The following SGCZ variants were observed in gnomAD, a reference collection of about 807,000 sequenced individuals.
SGCZ encodes the protein sarcoglycan zeta.
SGCZ carries 40 observed loss-of-function variants against 41.3 expected under a neutral mutation model. The observed-to-expected ratio is 0.97, with a 90% CI of 0.75 to 1.26. SGCZ has a LOEUF of 1.26. Ranked by LOEUF, SGCZ falls within the 50% of genes most tolerant of loss-of-function variation. SGCZ has a pLI of 0.00. For missense variants in SGCZ, 552 were observed against 369.8 expected, an observed-to-expected ratio of 1.49 and a Z score of -4.04; for synonymous variants, 206 against 137.5, an observed-to-expected ratio of 1.50 and a Z score of -3.49.
chr8:14,758,384 G>C (rs1043351761), intron 1 of SGCZ, among the ~76,000 whole-genome samples: 1 of 151,964 alleles, frequency 6.6e-6, no homozygotes, highest in African/African-American at 2.4e-5. Context: ...TTTTAACCAA[G>C]TCAGCTTCTT....
At chr8:14,464,265 G>GA (rs1044435344) in intron 2 of SGCZ, among the ~76,000 whole-genome samples, 11 of 150,244 alleles carry the variant, frequency 7.3e-5, no homozygotes, top group African/African-American at 2.7e-4. Context: ...TTTGTCAGGA[G>GA]ATTTTTTTTT....
chr8:14,644,726 A>G (rs1807149552), intron 1 of SGCZ, among the ~76,000 whole-genome samples: 1 of 151,770 alleles, frequency 6.6e-6, no homozygotes. Context: ...ATTTGCAAAA[A>G]TATCAGAATA....
intron 5 of SGCZ, among the ~76,000 whole-genome samples, chr8:14,141,020 C>T (rs1220592772): frequency 1.3e-5 from 2 of 152,088 alleles, no homozygotes; most frequent in African/African-American, 2.4e-5. Flanking sequence ...TAATACCGCA[C>T]ACCTACAACC....
intron 1 of SGCZ, among the ~76,000 whole-genome samples, chr8:15,067,393 C>T (rs562074636): frequency 6.6e-6 from 1 of 152,328 alleles, no homozygotes; most frequent in Admixed American, 6.5e-5. Context: ...ATTCAACCTT[C>T]TGTTTTCAGG....
chr8:14,639,025 A>G (rs570576019), intron 1 of SGCZ, among the ~76,000 whole-genome samples: 15 of 146,004 alleles, frequency 1.0e-4, no homozygotes, highest in Admixed American at 1.0e-3. Flanking sequence ...ATAATACACT[A>G]AGAAACTGGA....
intron 3 of SGCZ, among the ~76,000 whole-genome samples, chr8:14,267,201 C>T: frequency 6.6e-6 from 1 of 151,912 alleles, no homozygotes; most frequent in Non-Finnish European, 1.5e-5. Context: ...ATATCCTTGA[C>T]AATATGCATA....
At chr8:14,549,428 A>G (rs764750258) in intron 2 of SGCZ, among the ~76,000 whole-genome samples, 8 of 152,140 alleles carry the variant, frequency 5.3e-5, no homozygotes, top group Non-Finnish European at 1.0e-4. Flanking sequence ...ACGGATCAGA[A>G]TCTGAAATAG....
intron 3 of SGCZ, chr8:14,309,698 A>T: frequency 6.2e-7 from 1 of 1,609,134 alleles, no homozygotes; most frequent in Non-Finnish European, 8.5e-7. Flanking sequence ...GAGTATTCTC[A>T]CAGGAGACTG....
chr8:14,560,621 G>A (rs1804180029), intron 1 of SGCZ, among the ~76,000 whole-genome samples: 1 of 151,984 alleles, frequency 6.6e-6, no homozygotes, highest in Non-Finnish European at 1.5e-5. Flanking sequence ...TTATTTTCTA[G>A]AATGTTCTAT....
At chr8:14,714,689 A>G (rs997127303) in intron 1 of SGCZ, among the ~76,000 whole-genome samples, 1 of 152,218 alleles carries the variant, frequency 6.6e-6, no homozygotes. Flanking sequence ...TCAAAAGATA[A>G]ATAAAACATA....
rs147230206 is a variant in SGCZ, at chr8:15,230,293, G to T, written c.39+7292C>A. On this transcript the variant is annotated intron_variant, in intron 1 of 7. Transcript: ENST00000382080. ...TCTTCTTGGAAATTAGAGTATTAGA[G>T]AAACTCAGTGAAAAATCTCTACCAT... Among the ~76,000 whole-genome samples, 694 of 151,922 alleles carry T rather than the reference G, an allele frequency of 4.6e-3. 3 individuals carry two copies. The highest frequency in any genetic ancestry group is 0.016 in the African/African-American group (663 of 41,470).
intron 1 of SGCZ, among the ~76,000 whole-genome samples, chr8:15,164,390 G>A (rs1279310735): frequency 3.9e-5 from 6 of 152,036 alleles, no homozygotes; most frequent in African/African-American, 1.4e-4. Context: ...ACAGCTCCCA[G>A]CCACTCCGCA....
Position 14,102,478 on chromosome 8 carries a change from G to T in SGCZ, c.642C>A (p.Ser214=). ...CCCCACGGGGAGCTTCCATGATCAA[G>T]GATCTGGTGGGTGATTCAAGCCTAA... The part of the protein sequence containing the change: ...QDLRLESPTR[S]LIMEAPRGVQ... Residue 214 remains serine (S), a synonymous_variant, in exon 7 of 8, where the codon TCC becomes TCA. Coordinates refer to ENST00000382080, the MANE Select transcript of SGCZ (RefSeq NM_139167.4). The T allele has an allele frequency of 1.4e-6, 2 of 1,470,552 alleles. No individual in the cohort carries two copies. The highest frequency in any genetic ancestry group is 1.5e-5 in the South Asian group (1 of 68,202). The allele number at this position is 1,470,552 out of a possible 1,614,324, so 91.1% of individuals were successfully genotyped here.
At chr8:14,769,546 C>G (rs1197439846) in intron 1 of SGCZ, among the ~76,000 whole-genome samples, 1 of 152,064 alleles carries the variant, frequency 6.6e-6, no homozygotes, top group Non-Finnish European at 1.5e-5. Context: ...AATCCCAGCA[C>G]TTTGGGAAGC....
intron 2 of SGCZ, among the ~76,000 whole-genome samples, chr8:14,507,879 C>T (rs1466732780): frequency 6.6e-6 from 1 of 151,182 alleles, no homozygotes; most frequent in African/African-American, 2.4e-5. Context: ...TCAAAGGATT[C>T]TCCTGCCTCA....
At chr8:14,430,492 G>A (rs1012279527) in intron 2 of SGCZ, among the ~76,000 whole-genome samples, 3 of 152,090 alleles carry the variant, frequency 2.0e-5, no homozygotes, top group Admixed American at 6.6e-5. Context: ...ACAAAATCCA[G>A]CAAACTTTAT....
chr8:14,709,298 T>C (rs575875301), intron 1 of SGCZ, among the ~76,000 whole-genome samples: 1 of 152,322 alleles, frequency 6.6e-6, no homozygotes, highest in South Asian at 2.1e-4. Context: ...ATGTCTTGCG[T>C]GTGTAACTAA....
At chr8:14,339,829 C>T (rs367840454) in intron 2 of SGCZ, among the ~76,000 whole-genome samples, 38 of 150,464 alleles carry the variant, frequency 2.5e-4, no homozygotes, top group Admixed American at 6.6e-4. Flanking sequence ...ATAAAATTGA[C>T]GAATATATTG....
At chr8:14,328,908 C>G (rs1274123592) in intron 2 of SGCZ, among the ~76,000 whole-genome samples, 1 of 152,186 alleles carries the variant, frequency 6.6e-6, no homozygotes, top group Non-Finnish European at 1.5e-5. Context: ...CTGCCTTCCC[C>G]CAGGTAGGAT....
Sources: allele counts gnomAD v4.1 joint callset (sites outside exome capture counted in the v4.1 genomes callset), GRCh38; gene constraint gnomAD v4.1.1; transcripts MANE v1.5; gene names NCBI Gene and HGNC (gene_info 2026-07-23, HGNC 2026-07-21).